The following GPHN variants were observed in gnomAD, a reference collection of about 807,000 sequenced individuals.
GPHN encodes gephyrin.
In GPHN, 17 loss-of-function variants were observed where a neutral mutation model predicts 95.5. The observed-to-expected ratio is 0.18, with a 90% CI of 0.12 to 0.27. The LOEUF (loss-of-function observed/expected upper bound fraction) is 0.27. Ranked by LOEUF, GPHN falls within the 10% of genes least tolerant of loss-of-function variation. The pLI, the probability that GPHN is intolerant of heterozygous loss-of-function variation, is 1.00. For synonymous variants in GPHN, 320 were observed against 322.5 expected (o/e 0.99, Z 0.08); for missense variants, 660 against 978.1 (o/e 0.67, Z 4.34).
the GPHN span, among the ~76,000 whole-genome samples, chr14:67,581,262 G>A: frequency 1.5e-4 from 21 of 138,690 alleles, no homozygotes; most frequent in South Asian, 2.6e-4. Context: ...CTGCGTGTGC[G>A]TGTGTGTATA....
intron 1 of GPHN, among the ~76,000 whole-genome samples, chr14:66,676,919 T>G (rs2066630948): frequency 6.6e-6 from 1 of 152,042 alleles, no homozygotes; most frequent in Non-Finnish European, 1.5e-5. Context: ...TTTTTGGTCC[T>G]GGGCTTTTTG....
intron 4 of GPHN, among the ~76,000 whole-genome samples, chr14:66,837,327 A>C (rs2061873366): frequency 6.6e-6 from 1 of 151,158 alleles, no homozygotes; most frequent in Non-Finnish European, 1.5e-5. Context: ...CATCATTCTC[A>C]GTAAACTATC....
chr14:67,567,634 C>T, the GPHN span, among the ~76,000 whole-genome samples: 1 of 152,142 alleles, frequency 6.6e-6, no homozygotes, highest in Non-Finnish European at 1.5e-5. Flanking sequence ...CCAGTGATCT[C>T]AGCGTCTCAT....
At chr14:67,627,513 A>G in the GPHN span, among the ~76,000 whole-genome samples, 3 of 152,132 alleles carry the variant, frequency 2.0e-5, no homozygotes, top group Admixed American at 2.0e-4. Context: ...CCTTTTGAAC[A>G]GTGTCATATC....
At chr14:67,309,865 C>T in the GPHN span, among the ~76,000 whole-genome samples, 5,242 of 152,098 alleles carry the variant, frequency 0.034, 111 homozygotes, top group East Asian at 0.06. Context: ...GGTAGGCTTT[C>T]AGAAAGTGAT....
chr14:66,928,072 C>T (rs774519528), intron 8 of GPHN, among the ~76,000 whole-genome samples: 6 of 152,090 alleles, frequency 3.9e-5, no homozygotes, highest in Admixed American at 1.3e-4. Context: ...AGAAGTATTC[C>T]TTCCTTCTCT....
the GPHN span, among the ~76,000 whole-genome samples, chr14:67,264,111 T>A: frequency 6.6e-6 from 1 of 152,212 alleles, no homozygotes; most frequent in Admixed American, 6.5e-5. Context: ...AAGGATTAGA[T>A]GATGTCGTGG....
At chr14:66,875,053 A>G (rs2063591576) in intron 4 of GPHN, among the ~76,000 whole-genome samples, 1 of 152,228 alleles carries the variant, frequency 6.6e-6, no homozygotes, top group South Asian at 2.1e-4. Context: ...CTAATGGCAG[A>G]TCTCTCGGCA....
intron 1 of GPHN, among the ~76,000 whole-genome samples, chr14:66,520,683 G>A (rs576076712): frequency 2.0e-4 from 30 of 149,800 alleles, no homozygotes; most frequent in African/African-American, 7.0e-4. Flanking sequence ...CAATTAGTGA[G>A]TCCAGAGGAA....
chr14:67,452,040 C>T, the GPHN span, among the ~76,000 whole-genome samples: 6 of 152,152 alleles, frequency 3.9e-5, no homozygotes, highest in Admixed American at 1.3e-4. Context: ...TTTTAAGAAA[C>T]GGGAGTTTCG....
intron 2 of GPHN, among the ~76,000 whole-genome samples, chr14:66,710,966 C>T (rs1375686690): frequency 6.6e-6 from 1 of 152,100 alleles, no homozygotes; most frequent in Non-Finnish European, 1.5e-5. Flanking sequence ...TAAGAAAGGT[C>T]CACATATACC....
chr14:67,052,767 A>G (rs1037177344), intron 10 of GPHN, among the ~76,000 whole-genome samples: 1 of 152,204 alleles, frequency 6.6e-6, no homozygotes, highest in Non-Finnish European at 1.5e-5. Flanking sequence ...CAGTGCAATA[A>G]AATTAGAACT....
intron 1 of GPHN, among the ~76,000 whole-genome samples, chr14:66,613,704 A>G (rs1404267714): frequency 1.3e-5 from 2 of 152,158 alleles, no homozygotes; most frequent in Non-Finnish European, 2.9e-5. Context: ...TTGGATAGAT[A>G]TTAGTATTCA....
chr14:67,520,862 G>T, the GPHN span, among the ~76,000 whole-genome samples: 1 of 152,262 alleles, frequency 6.6e-6, no homozygotes, highest in Non-Finnish European at 1.5e-5. Context: ...TGTGGTGAGA[G>T]TATGTTTAGC....
chr14:67,351,677 TTTC>T, the GPHN span, among the ~76,000 whole-genome samples: 19 of 151,644 alleles, frequency 1.3e-4, no homozygotes, highest in South Asian at 4.2e-4. Flanking sequence ...CTCTGCTAAT[TTTC>T]TTCTTCTTCT....
intron 12 of GPHN, among the ~76,000 whole-genome samples, chr14:67,093,654 G>A (rs917228725): frequency 1.8e-4 from 27 of 151,894 alleles, no homozygotes; most frequent in Non-Finnish European, 3.1e-4. Flanking sequence ...CAATTAATAG[G>A]CATTTTCCCT....
At chr14:66,601,110 A>G (rs1172344390) in intron 1 of GPHN, among the ~76,000 whole-genome samples, 2 of 152,072 alleles carry the variant, frequency 1.3e-5, no homozygotes, top group African/African-American at 2.4e-5. Flanking sequence ...GTGTTGAACA[A>G]TCAATGAGTG....
chr14:66,784,966 G>A lies in GPHN; in HGVS notation c.201+8445G>A, dbSNP rs535979012. 1.4e-4 allele frequency among the ~76,000 whole-genome samples: 21 copies of A among 152,224 alleles called. No homozygotes were observed. In the East Asian group the frequency reaches 4.1e-3, roughly 29 times the overall value. ...ATTTTTAAAAAATGATCCAATAAAT[G>A]CCATTCTAAAGAAACTAATTTCAAA... On this transcript the variant is annotated intron_variant, in intron 3 of 22. Transcript: ENST00000478722.
intron 8 of GPHN, among the ~76,000 whole-genome samples, chr14:66,940,118 T>G (rs1431122453): frequency 3.9e-5 from 6 of 152,006 alleles, no homozygotes; most frequent in African/African-American, 1.4e-4. Context: ...CCAATCAGTT[T>G]AAGGTTTGGG....
Sources: gnomAD v4.1 joint callset for allele counts (sites outside exome capture counted in the v4.1 genomes callset) on GRCh38, gnomAD v4.1.1 for gene constraint, MANE v1.5 for transcripts, NCBI Gene and HGNC (gene_info 2026-07-23, HGNC 2026-07-21) for gene names.